HAL: variants seen among roughly 807,000 people sequenced by gnomAD.
HAL encodes histidine ammonia-lyase, also known as histidase.
HAL carries 85 observed loss-of-function variants against 81.1 expected under a neutral mutation model. The observed-to-expected ratio is 1.05, with a 90% confidence interval of 0.88 to 1.25. The LOEUF (loss-of-function observed/expected upper bound fraction) is 1.25, where lower values mean the gene tolerates loss of function less well. Among genes scored for constraint, HAL ranks in the 50% most tolerant of loss-of-function variants. The pLI, the probability that HAL is intolerant of heterozygous loss-of-function variation, is 0.00. For missense variants in HAL, 798 were observed against 836.6 expected (o/e 0.95, Z 0.57); for synonymous variants, 301 against 309.2 (o/e 0.97, Z 0.28).
chr12:95,995,686 C>T lies in HAL; in HGVS notation c.225G>A (p.Glu75=). Residue 75 remains glutamate, a synonymous_variant, in exon 2 of 21, where the codon GAG becomes GAA. Coordinates refer to ENST00000261208, the MANE Select transcript of HAL (RefSeq NM_002108.4). Reference sequence around the variant, plus strand: ...CACCCACTTCCACGAACTCGTTGTTCTCTAGGGCCACCTCGAGCCGGTCCT... The same window carrying T: ...CACCCACTTCCACGAACTCGTTGTTTTCTAGGGCCACCTCGAGCCGGTCCT... The part of the protein sequence containing the change: ...DNEDRLEVAL[E]NNEFVEVVIE... 4 of 1,613,576 alleles carry T rather than the reference C, an allele frequency of 2.5e-6. No individual in the cohort carries two copies. Among genetic ancestry groups the T allele is most frequent in the Non-Finnish European group, 3.4e-6 (4 of 1,180,046 alleles).
In HAL at chr12:95,973,118, G is replaced by A. The variant is rs1027179226; in HGVS notation, c.*1114C>T. 1.4e-4 allele frequency: 21 copies of A among 152,194 alleles called. No homozygotes were observed. The highest frequency in any genetic ancestry group is 5.1e-4 in the African/African-American group (21 of 41,428). 9.4% of individuals were successfully genotyped at this position (152,194 alleles called of 1,614,324 possible). On this transcript the variant is annotated 3_prime_UTR_variant, in exon 21 of 21. Transcript: ENST00000261208. ...GGTAGGCAAGGTGGCAAGTGTGTCT[G>A]TCCTCCTCTCCACCAGCTGTGGTTT...
Position 95,973,131 on chromosome 12 carries a change from C to A in HAL, c.*1101G>T, listed in dbSNP as rs530561585. 6.6e-6 allele frequency: 1 copy of A among 152,204 alleles called. No homozygotes were observed. Among genetic ancestry groups the A allele is most frequent in the East Asian group, 1.9e-4 (1 of 5,190 alleles). 9.4% of individuals were successfully genotyped at this position (152,204 alleles called of 1,614,324 possible). On this transcript the variant is annotated 3_prime_UTR_variant, in exon 21 of 21. Coordinates refer to ENST00000261208, the MANE Select transcript of HAL (RefSeq NM_002108.4). ...GCAAGTGTGTCTGTCCTCCTCTCCA[C>A]CAGCTGTGGTTTTTAGAGCCACGGT...
intron 17 of HAL, among the ~76,000 whole-genome samples, chr12:95,979,128 C>T (rs1002488271): frequency 7.2e-5 from 11 of 152,174 alleles, no homozygotes; most frequent in Non-Finnish European, 1.0e-4. Flanking sequence ...AGCCAAACAA[C>T]CTCAATAGGC....
chr12:95,992,554 A>G, intron 9 of HAL, 126 bp downstream of exon 9: 2 of 872,172 alleles, frequency 2.3e-6, no homozygotes, highest in South Asian at 1.5e-5. Flanking sequence ...TGCCAACGGC[A>G]TTTCCCACTC....
intron 20 of HAL, among the ~76,000 whole-genome samples, chr12:95,975,520 A>T (rs558796351): frequency 1.8e-4 from 28 of 151,696 alleles, no homozygotes; most frequent in Non-Finnish European, 3.2e-4. Context: ...CTCTAAAAAA[A>T]TTTTTTTTTA....
chr12:95,976,564 C>G, intron 19 of HAL, 34 bp downstream of exon 19: 1 of 1,591,606 alleles, frequency 6.3e-7, no homozygotes. Context: ...CAGTGCTGAA[C>G]TGATGTAATT....
chr12:95,979,168 A>T (rs1288981791), intron 17 of HAL, among the ~76,000 whole-genome samples: 1 of 152,230 alleles, frequency 6.6e-6, no homozygotes, highest in Non-Finnish European at 1.5e-5. Context: ...TATTCAAATG[A>T]GGCTTCCCAA....
At chr12:95,988,950 G>T (rs1949932337) in intron 10 of HAL, among the ~76,000 whole-genome samples, 1 of 152,214 alleles carries the variant, frequency 6.6e-6, no homozygotes, top group Admixed American at 6.5e-5. Context: ...TCAAGTATCA[G>T]CTAGAGGCTG....
rs2080684663 is a variant in HAL, at chr12:95,973,939, G to A, written c.*293C>T. The A allele has an allele frequency of 2.7e-6, 1 of 372,838 alleles. No individual in the cohort carries two copies. The highest frequency in any genetic ancestry group is 4.9e-6 in the Non-Finnish European group (1 of 204,388). 23.1% of individuals were successfully genotyped at this position (372,838 alleles called of 1,614,324 possible). A position where few individuals can be genotyped will look rare whatever the true frequency, so the allele number is the denominator to read the frequency against. On this transcript the variant is annotated 3_prime_UTR_variant, in exon 21 of 21. Coordinates refer to ENST00000261208, the MANE Select transcript of HAL (RefSeq NM_002108.4). ...GAGTAAAAAACAGGCACATACAATT[G>A]TGGTTATTCTTCTCACCCTTAAGAG...
intron 15 of HAL, 191 bp downstream of exon 15, chr12:95,983,720 G>A (rs1949840375): frequency 3.2e-6 from 2 of 617,204 alleles, no homozygotes; most frequent in East Asian, 2.8e-5. Flanking sequence ...TAAGTTCACA[G>A]GTCACCTCTG....
chr12:95,989,399 C>T (rs903412588), intron 10 of HAL, among the ~76,000 whole-genome samples: 9 of 152,206 alleles, frequency 5.9e-5, no homozygotes, highest in Admixed American at 3.3e-4. Flanking sequence ...CCAGGCTGGT[C>T]TTGAACTTCT....
intron 17 of HAL, 62 bp downstream of exon 17, chr12:95,980,494 G>T (rs1048628742): frequency 2.0e-6 from 3 of 1,491,688 alleles, no homozygotes; most frequent in Non-Finnish European, 2.8e-6. Flanking sequence ...ATACTTCTAG[G>T]TGAAATGGAA....
rs1474419388 is a variant in HAL, at chr12:95,996,321, AAC to A, written c.-327_-326del. 9.9e-5 allele frequency: 26 copies of A among 261,464 alleles called. No individual in the cohort carries two copies. Among genetic ancestry groups the A allele is most frequent in the Middle Eastern group, 2.8e-3 (2 of 714 alleles). The allele number at this position is 261,464 out of a possible 1,614,324, so 16.2% of individuals were successfully genotyped here. A position where few individuals can be genotyped will look rare whatever the true frequency, so the allele number is the denominator to read the frequency against. On this transcript the variant is annotated 5_prime_UTR_variant, in exon 1 of 21. It removes the in-frame stop codon of an upstream open reading frame in the 5' UTR. Coordinates refer to ENST00000261208, the MANE Select transcript of HAL (RefSeq NM_002108.4). ...TCTCTGCCATTAAGGGCAGCTTATA[AAC>A]ACCATGTTCCTGTCTTTATCTGAGA...
At chr12:95,983,850 A>G in intron 15 of HAL, 61 bp downstream of exon 15, 1 of 874,362 alleles carries the variant, frequency 1.1e-6, no homozygotes, top group South Asian at 1.3e-5. Context: ...TTGTTTCAGT[A>G]GATCCTAAAA....
intron 16 of HAL, 27 bp from the exon 17 acceptor site, chr12:95,980,748 C>T: frequency 6.2e-7 from 1 of 1,610,288 alleles, no homozygotes; most frequent in African/African-American, 1.3e-5. Context: ...ATTTAGTCAG[C>T]CTATATTGAA....
At chr12:95,983,560 C>A in intron 15 of HAL, 1 of 342,238 alleles carries the variant, frequency 2.9e-6, no homozygotes, top group Non-Finnish European at 5.5e-6. Context: ...CATTTGTGAC[C>A]CACGTCTTCA....
intron 14 of HAL, among the ~76,000 whole-genome samples, chr12:95,985,699 A>C (rs1407535944): frequency 6.6e-6 from 1 of 151,514 alleles, no homozygotes; most frequent in Non-Finnish European, 1.5e-5. Flanking sequence ...CAAATAGTTC[A>C]CCATATAGAA....
At chr12:95,986,678 A>G (rs1232319281) in intron 12 of HAL, among the ~76,000 whole-genome samples, 2 of 152,064 alleles carry the variant, frequency 1.3e-5, no homozygotes, top group African/African-American at 4.8e-5. Flanking sequence ...AAAATTCACT[A>G]CTTTCTAAAT....
In HAL at chr12:95,973,214, G is replaced by C. The variant is rs1458007851; in HGVS notation, c.*1018C>G. 6.6e-6 allele frequency: 1 copy of C among 152,130 alleles called. No individual in the cohort carries two copies. Among genetic ancestry groups the C allele is most frequent in the Non-Finnish European group, 1.5e-5 (1 of 68,026 alleles). The allele number at this position is 152,130 out of a possible 1,614,324, so 9.4% of individuals were successfully genotyped here. On this transcript the variant is annotated 3_prime_UTR_variant, in exon 21 of 21. Transcript: ENST00000261208. ...GCACACACTGGTGCAAAGTCACAGAGCTTAGACTTGGGAAGCCAAGAGGTC... is the reference window on the plus strand; with the variant it reads ...GCACACACTGGTGCAAAGTCACAGACCTTAGACTTGGGAAGCCAAGAGGTC...
Sources: gnomAD v4.1 joint callset for allele counts (sites outside exome capture counted in the v4.1 genomes callset) on GRCh38, gnomAD v4.1.1 for gene constraint, MANE v1.5 for transcripts, NCBI Gene and HGNC (gene_info 2026-07-23, HGNC 2026-07-21) for gene names.